Variants in PAX9 observed in about 807,000 individuals in gnomAD.
PAX9 encodes the protein paired box 9.
A neutral mutation model predicts 29.1 loss-of-function variants in PAX9; 6 were observed. The observed-to-expected ratio is 0.21, with a 90% CI of 0.11 to 0.41. The LOEUF is 0.41. Among genes scored for constraint, PAX9 ranks in the 10% least tolerant of loss-of-function variants. The pLI, the probability that PAX9 is intolerant of heterozygous loss-of-function variation, is 1.00. For missense variants in PAX9, 443 were observed against 479.1 expected (o/e 0.92, Z 0.70); for synonymous variants, 217 against 211.7 (o/e 1.03, Z -0.22).
chr14:36,666,832 C>T (rs916692897), intron 3 of PAX9, among the ~76,000 whole-genome samples: 2 of 152,210 alleles, frequency 1.3e-5, no homozygotes, highest in South Asian at 2.1e-4. Flanking sequence ...CTCGTCAGGG[C>T]GCTGGGGGTC....
intron 3 of PAX9, among the ~76,000 whole-genome samples, chr14:36,669,699 G>GTATTAAATTAAATTAA (rs1308432895): frequency 6.6e-6 from 1 of 152,074 alleles, no homozygotes; most frequent in East Asian, 1.9e-4. Flanking sequence ...CAGATGTCCT[G>GTATTAAATTAAATTAA]ATTCCTAGTA....
chr14:36,674,491 A>G (rs935011602), intron 3 of PAX9, among the ~76,000 whole-genome samples: 1 of 152,222 alleles, frequency 6.6e-6, no homozygotes, highest in African/African-American at 2.4e-5. Context: ...TTTCATTTGT[A>G]TTCAACAGTT....
chr14:36,678,953 GATT>G lies in PAX9; in HGVS notation c.*2508_*2510del, dbSNP rs1944967148. The G allele has an allele frequency of 3.6e-5, 35 of 981,744 alleles. No individual in the cohort carries two copies. Among genetic ancestry groups the G allele is most frequent in the Non-Finnish European group, 4.2e-5 (35 of 826,500 alleles). The allele number at this position is 981,744 out of a possible 1,614,324, so 60.8% of individuals were successfully genotyped here. On this transcript the variant is annotated 3_prime_UTR_variant, in exon 4 of 4. Transcript: ENST00000361487. Reference sequence around the variant, plus strand: ...ATGGATTAAAGGGTTAACTTTTAAAGATTATTATTGGTTAATGTTGACATATTT... The same window carrying G: ...ATGGATTAAAGGGTTAACTTTTAAAGATTATTGGTTAATGTTGACATATTT...
chr14:36,661,825 C>T (rs1190759509), upstream of PAX9: 1 of 560,538 alleles, frequency 1.8e-6, no homozygotes. Flanking sequence ...GGCGTGTCCC[C>T]AGTGAGTGAT....
At chr14:36,668,936 CTAAA>C (rs1881606767) in intron 3 of PAX9, among the ~76,000 whole-genome samples, 1 of 151,844 alleles carries the variant, frequency 6.6e-6, no homozygotes, top group African/African-American at 2.4e-5. Context: ...AAATATTGCT[CTAAA>C]TACTTAATAA....
At chr14:36,657,692 G>T (rs1342837928), upstream of PAX9, 4 of 152,336 alleles carry the variant, frequency 2.6e-5, no homozygotes, top group East Asian at 7.7e-4. Flanking sequence ...ACGCATTTCC[G>T]AGCTCGGGCC....
intron 2 of PAX9, among the ~76,000 whole-genome samples, chr14:36,665,455 T>C (rs1272483983): frequency 1.3e-5 from 2 of 152,274 alleles, no homozygotes; most frequent in South Asian, 2.1e-4. Flanking sequence ...GCCAAACCAC[T>C]CCTCCACCCA....
Position 36,676,272 on chromosome 14 carries a change from A to G in PAX9, c.846A>G (p.Gln282=), listed in dbSNP as rs1881884460. 1 of 1,614,122 alleles carries G rather than the reference A, an allele frequency of 6.2e-7. No homozygotes were observed. The highest frequency in any genetic ancestry group is 1.3e-5 in the African/African-American group (1 of 75,010). Residue 282 remains glutamine, a synonymous_variant, in exon 4 of 4, where the codon CAA becomes CAG. Coordinates refer to ENST00000361487, the MANE Select transcript of PAX9 (RefSeq NM_001372076.1). ...TGGCTCCTTACCCTACCCCAGCCCAAGTGTCGCCTTACATGACCTACAGTG... is the reference window on the plus strand; with the variant it reads ...TGGCTCCTTACCCTACCCCAGCCCAGGTGTCGCCTTACATGACCTACAGTG... ...SSMAPYPTPA[Q]VSPYMTYSAA...
intron 3 of PAX9, among the ~76,000 whole-genome samples, chr14:36,672,779 A>G (rs1322326569): frequency 8.3e-6 from 1 of 120,786 alleles, no homozygotes; most frequent in East Asian, 2.6e-4. Flanking sequence ...TTAAAGATTT[A>G]TGTTTGTTTT....
At chr14:36,665,188 A>G (rs75743971) in intron 2 of PAX9, among the ~76,000 whole-genome samples, 53 of 140,672 alleles carry the variant, frequency 3.8e-4, no homozygotes, top group African/African-American at 1.4e-3. Flanking sequence ...AAAAAAAAAA[A>G]GGCTGACAGA....
chr14:36,670,732 A>G (rs1202806700), intron 3 of PAX9, among the ~76,000 whole-genome samples: 1 of 152,092 alleles, frequency 6.6e-6, no homozygotes, highest in Non-Finnish European at 1.5e-5. Flanking sequence ...GTATCAGTAA[A>G]ATGTATTGTA....
chr14:36,659,341 C>T (rs1881166662), upstream of PAX9, among the ~76,000 whole-genome samples: 1 of 152,154 alleles, frequency 6.6e-6, no homozygotes, highest in African/African-American at 2.4e-5. Flanking sequence ...GCCTCAGATC[C>T]GTCGTCTCTC....
intron 2 of PAX9, 31 bp from the exon 3 acceptor site, chr14:36,666,431 C>G (rs760107628): frequency 6.9e-6 from 11 of 1,603,624 alleles, no homozygotes; most frequent in Admixed American, 1.7e-5. Context: ...GGCTGGGCCT[C>G]CGGCCTGACA....
chr14:36,662,849 C>G (rs780213720), intron 1 of PAX9, 48 bp from the exon 2 acceptor site: 1 of 1,581,388 alleles, frequency 6.3e-7, no homozygotes, highest in Non-Finnish European at 8.6e-7. Flanking sequence ...AGGCAGCTGT[C>G]CCAAGCAGCG....
In PAX9 at chr14:36,663,450, G is replaced by T. The variant is rs1301336203; in HGVS notation, c.558G>T (p.Val186=). The change falls in exon 2 of 4, where the codon GTG becomes GTT. Residue 186 remains valine, a synonymous_variant. Transcript: ENST00000361487. ...PPGVPAIPGS[V]AMPRTWPSSH... is the part of the protein sequence containing the mutation. ...GGGTGCCTGCCATCCCCGGTTCGGT[G>T]GCCATGCCGCGCACCTGGCCCTCCT... The T allele has an allele frequency of 1.9e-6, 3 of 1,612,860 alleles. No homozygotes were observed. The highest frequency in any genetic ancestry group is 3.3e-5 in the Admixed American group (2 of 59,978).
At position 36,678,643 on chromosome 14, in the gene PAX9, G is replaced by C; in HGVS notation, c.*2191G>C. Reference sequence around the variant, plus strand: ...CTTTATCAAATGTTTTTAGGTGGCTGTTAGGGGGCTTTAAAAAATATTACT... The same window carrying C: ...CTTTATCAAATGTTTTTAGGTGGCTCTTAGGGGGCTTTAAAAAATATTACT... On this transcript the variant is annotated 3_prime_UTR_variant, in exon 4 of 4. Coordinates refer to ENST00000361487, the MANE Select transcript of PAX9 (RefSeq NM_001372076.1). 1.6e-6 allele frequency: 2 copies of C among 1,265,574 alleles called. No homozygotes were observed. The highest frequency in any genetic ancestry group is 2.0e-6 in the Non-Finnish European group (2 of 1,005,310). The allele number at this position is 1,265,574 out of a possible 1,614,324, so 78.4% of individuals were successfully genotyped here.
intron 3 of PAX9, among the ~76,000 whole-genome samples, chr14:36,667,062 G>A (rs1022034695): frequency 2.6e-5 from 4 of 152,172 alleles, no homozygotes; most frequent in Admixed American, 1.3e-4. Flanking sequence ...TCGGCCCCAC[G>A]GTGCGACTGC....
intron 3 of PAX9, among the ~76,000 whole-genome samples, chr14:36,675,402 A>T (rs7144276): frequency 0.13 from 20,267 of 152,198 alleles, 1,823 homozygotes; most frequent in Admixed American, 0.27. Flanking sequence ...TTGCAAACAA[A>T]GATTTTAATT....
At chr14:36,661,139 C>T (rs192668464), upstream of PAX9, among the ~76,000 whole-genome samples, 4 of 152,364 alleles carry the variant, frequency 2.6e-5, no homozygotes, top group East Asian at 7.7e-4. Context: ...TGGGGCTGTG[C>T]GCTAGCGTTA....
Sources: allele counts gnomAD v4.1 joint callset (sites outside exome capture counted in the v4.1 genomes callset), GRCh38; gene constraint gnomAD v4.1.1; transcripts MANE v1.5; gene names NCBI Gene and HGNC (gene_info 2026-07-23, HGNC 2026-07-21).